The following PLEKHA2 variants were observed in gnomAD, a reference collection of about 807,000 sequenced individuals.
PLEKHA2 encodes the protein pleckstrin homology domain-containing family A member 2.
In PLEKHA2, 28 loss-of-function variants were observed where a neutral mutation model predicts 53.2. The observed-to-expected ratio is 0.53, with a 90% CI of 0.39 to 0.72. The LOEUF (loss-of-function observed/expected upper bound fraction) is 0.72. Among genes scored for constraint, PLEKHA2 ranks in the 30% least tolerant of loss-of-function variants. The pLI, the probability that PLEKHA2 is intolerant of heterozygous loss-of-function variation, is 0.00. For synonymous variants in PLEKHA2, 193 were observed against 196.4 expected (o/e 0.98, Z 0.14); for missense variants, 426 against 537.9 (o/e 0.79, Z 2.06).
intron 3 of PLEKHA2, among the ~76,000 whole-genome samples, chr8:38,939,627 A>C (rs1327925341): frequency 6.6e-6 from 1 of 152,238 alleles, no homozygotes; most frequent in African/African-American, 2.4e-5. Context: ...AGGCTGGCTA[A>C]TCAGTTGTGG....
chr8:38,967,813 C>T (rs1835168882), intron 10 of PLEKHA2, among the ~76,000 whole-genome samples: 1 of 152,022 alleles, frequency 6.6e-6, no homozygotes, highest in Non-Finnish European at 1.5e-5. Flanking sequence ...GGGCGCACGC[C>T]ACCACTCCTG....
intron 2 of PLEKHA2, among the ~76,000 whole-genome samples, chr8:38,931,812 G>C (rs564245053): frequency 6.6e-6 from 1 of 152,276 alleles, no homozygotes; most frequent in Non-Finnish European, 1.5e-5. Flanking sequence ...CATACTCCGA[G>C]AACAGAGTCC....
intron 6 of PLEKHA2, among the ~76,000 whole-genome samples, chr8:38,951,261 T>C (rs765710701): frequency 1.3e-5 from 2 of 151,992 alleles, no homozygotes; most frequent in Non-Finnish European, 2.9e-5. Flanking sequence ...AAGATGAGGG[T>C]TTGTGAAACC....
chr8:38,949,096 C>T (rs1385969817), intron 5 of PLEKHA2, among the ~76,000 whole-genome samples: 1 of 152,128 alleles, frequency 6.6e-6, no homozygotes, highest in Non-Finnish European at 1.5e-5. Flanking sequence ...GTCTCGAACT[C>T]CCGACCTCAG....
At chr8:38,969,388 T>G in intron 11 of PLEKHA2, 33 bp from the exon 12 acceptor site, 1 of 1,593,020 alleles carries the variant, frequency 6.3e-7, no homozygotes, top group Non-Finnish European at 8.5e-7. Context: ...GCCCTAACTT[T>G]CTTTTGTCTT....
intron 2 of PLEKHA2, among the ~76,000 whole-genome samples, chr8:38,932,025 C>G (rs1481757649): frequency 3.3e-5 from 5 of 152,254 alleles, no homozygotes; most frequent in Non-Finnish European, 7.4e-5. Context: ...GGGCCTCGCC[C>G]TGTTACTTAG....
At chr8:38,902,102 G>A (rs1833795856) in intron 1 of PLEKHA2, 1 of 152,096 alleles carries the variant, frequency 6.6e-6, no homozygotes, top group African/African-American at 2.4e-5. Context: ...CCCTCGAGGG[G>A]AGCTGTCGTT....
At chr8:38,917,675 A>G (rs563165943) in intron 1 of PLEKHA2, among the ~76,000 whole-genome samples, 13 of 152,298 alleles carry the variant, frequency 8.5e-5, no homozygotes, top group East Asian at 5.8e-4. Flanking sequence ...AAAGTGCCCA[A>G]TGCTATCCTG....
chr8:38,964,250 A>T (rs1302101636), intron 10 of PLEKHA2, among the ~76,000 whole-genome samples: 1 of 152,184 alleles, frequency 6.6e-6, no homozygotes, highest in Non-Finnish European at 1.5e-5. Context: ...AATATTTTAG[A>T]GCAGCGATCC....
chr8:38,953,335 T>C lies in PLEKHA2; in HGVS notation c.741T>C (p.Val247=). The C allele has an allele frequency of 6.2e-7, 1 of 1,613,484 alleles. No homozygotes were observed. The highest frequency in any genetic ancestry group is 8.5e-7 in the Non-Finnish European group (1 of 1,179,420). Residue 247 remains valine (V), a synonymous_variant, in exon 9 of 12, where the codon GTT becomes GTC. Coordinates refer to ENST00000617275, the MANE Select transcript of PLEKHA2 (RefSeq NM_021623.2). ...TGCGCACCATATTTCTTAAGGATGT[T>C]CTGAAGACCCATGAATGTCTGGTCA... ...EPLRTIFLKD[V]LKTHECLVKS... is the part of the protein sequence containing the mutation.
intron 8 of PLEKHA2, among the ~76,000 whole-genome samples, chr8:38,953,040 T>C (rs1002858554): frequency 2.0e-5 from 3 of 152,188 alleles, no homozygotes; most frequent in South Asian, 2.1e-4. Flanking sequence ...AGGATTTCAC[T>C]ATGTTGCCCA....
chr8:38,905,070 C>T (rs1462870184), intron 1 of PLEKHA2, among the ~76,000 whole-genome samples: 8 of 152,212 alleles, frequency 5.3e-5, no homozygotes, highest in African/African-American at 1.9e-4. Flanking sequence ...AAGACTCATG[C>T]TCTTTCCCTT....
chr8:38,967,474 T>A (rs1473138469), intron 10 of PLEKHA2, among the ~76,000 whole-genome samples: 2 of 152,184 alleles, frequency 1.3e-5, no homozygotes, highest in Non-Finnish European at 2.9e-5. Context: ...CTTTCAGCAG[T>A]GTATAAGCAG....
At chr8:38,954,057 C>A (rs1834892437) in intron 9 of PLEKHA2, among the ~76,000 whole-genome samples, 1 of 152,168 alleles carries the variant, frequency 6.6e-6, no homozygotes, top group South Asian at 2.1e-4. Context: ...TCCAAAAACC[C>A]TTTTTCTGGC....
chr8:38,937,485 G>C (rs13257619), intron 3 of PLEKHA2, among the ~76,000 whole-genome samples: 45,220 of 152,066 alleles, frequency 0.3, 6,956 homozygotes, highest in Non-Finnish European at 0.32. Context: ...CTGTGTGAGA[G>C]GGTTTGGGAA....
intron 5 of PLEKHA2, among the ~76,000 whole-genome samples, chr8:38,950,181 T>C (rs980961105): frequency 6.6e-6 from 1 of 152,110 alleles, no homozygotes; most frequent in Non-Finnish European, 1.5e-5. Context: ...AGCTGTGTGC[T>C]ACCACACCTG....
intron 6 of PLEKHA2, 93 bp from the exon 7 acceptor site, chr8:38,952,073 C>A: frequency 6.9e-7 from 1 of 1,443,292 alleles, no homozygotes; most frequent in East Asian, 2.4e-5. Flanking sequence ...TGACTTAGGG[C>A]AAAGAGGCCA....
chr8:38,932,507 C>T (rs2129418389), intron 2 of PLEKHA2, among the ~76,000 whole-genome samples: 1 of 152,274 alleles, frequency 6.6e-6, no homozygotes, highest in South Asian at 2.1e-4. Flanking sequence ...GTGGGCTCCC[C>T]TCCCCAGCTC....
intron 8 of PLEKHA2, 130 bp from the exon 9 acceptor site, chr8:38,953,167 T>G: frequency 2.5e-6 from 2 of 787,692 alleles, no homozygotes; most frequent in South Asian, 1.6e-5. Context: ...TGCTGATTAT[T>G]TTGAGACCAG....
Sources: allele counts gnomAD v4.1 joint callset (sites outside exome capture counted in the v4.1 genomes callset), GRCh38; gene constraint gnomAD v4.1.1; transcripts MANE v1.5; gene names NCBI Gene and HGNC (gene_info 2026-07-23, HGNC 2026-07-21).